The following ASNS variants were observed in gnomAD, a reference collection of about 807,000 sequenced individuals.
ASNS encodes asparagine synthetase [glutamine-hydrolyzing].
In ASNS, 37 loss-of-function variants were observed where a neutral mutation model predicts 62.6. That is an observed-to-expected ratio of 0.59 (90% CI 0.45 to 0.78). The LOEUF is 0.78. Ranked by LOEUF, ASNS falls within the 30% of genes least tolerant of loss-of-function variation. The probability of loss-of-function intolerance (pLI) is 0.00; values close to 1 mark genes in which losing one functional copy is unlikely to be tolerated. For synonymous variants in ASNS, 207 were observed against 237.9 expected, an observed-to-expected ratio of 0.87 and a Z score of 1.19; for missense variants, 520 against 682.4, an observed-to-expected ratio of 0.76 and a Z score of 2.65.
At chr7:97,898,566 T>C in the ASNS span, 463 of 598,856 alleles carry the variant, frequency 7.7e-4, 2 homozygotes, top group Middle Eastern at 3.0e-3. Context: ...AATCAATTTA[T>C]TGACCACTTC....
the ASNS span, among the ~76,000 whole-genome samples, chr7:97,923,166 C>T: frequency 0.9 from 135,947 of 151,622 alleles, 61,025 homozygotes; most frequent in African/African-American, 0.93. Flanking sequence ...TGTTCTAACA[C>T]GTTTTGGTCA....
the ASNS span, among the ~76,000 whole-genome samples, chr7:97,916,519 G>A: frequency 1.3e-5 from 2 of 152,222 alleles, no homozygotes; most frequent in African/African-American, 2.4e-5. Flanking sequence ...CTCTTTGCAA[G>A]CACCTCAGAG....
At chr7:97,883,378 G>A in the ASNS span, among the ~76,000 whole-genome samples, 119,041 of 151,830 alleles carry the variant, frequency 0.78, 47,116 homozygotes, top group African/African-American at 0.88. Context: ...GGCCCACTTG[G>A]GTATGTTTTT....
chr7:97,908,191 G>A, the ASNS span: 2 of 152,112 alleles, frequency 1.3e-5, no homozygotes, highest in Non-Finnish European at 2.9e-5. Context: ...AAATTGAAAC[G>A]TGATTTTAAA....
chr7:97,865,181 A>C (rs1437997356), intron 3 of ASNS, among the ~76,000 whole-genome samples: 1 of 152,232 alleles, frequency 6.6e-6, no homozygotes, highest in East Asian at 1.9e-4. Flanking sequence ...TGCTTATAAA[A>C]TATGACATAC....
intron 4 of ASNS, among the ~76,000 whole-genome samples, chr7:97,861,242 G>A (rs1369782812): frequency 2.0e-5 from 3 of 152,038 alleles, no homozygotes; most frequent in African/African-American, 7.2e-5. Context: ...TCGATCTCCT[G>A]ACCTCGTGAT....
chr7:97,912,352 T>TTTTG, the ASNS span, among the ~76,000 whole-genome samples: 1 of 152,120 alleles, frequency 6.6e-6, no homozygotes, highest in East Asian at 1.9e-4. Flanking sequence ...TTTTTGAGTT[T>TTTTG]TTTGTTTGTT....
chr7:97,895,993 A>G, the ASNS span, among the ~76,000 whole-genome samples: 10 of 151,228 alleles, frequency 6.6e-5, no homozygotes, highest in Admixed American at 2.0e-4. Flanking sequence ...ATGAGGAAAA[A>G]AAAAAAAACA....
At chr7:97,873,605 A>G (rs1326747717), upstream of ASNS, among the ~76,000 whole-genome samples, 2 of 152,240 alleles carry the variant, frequency 1.3e-5, no homozygotes, top group Non-Finnish European at 2.9e-5. Context: ...GTGGGAAAGT[A>G]GGTCTTCTAT....
At chr7:97,858,154 C>A (rs1791544855) in intron 7 of ASNS, 124 bp downstream of exon 7, 1 of 1,282,222 alleles carries the variant, frequency 7.8e-7, no homozygotes, top group Admixed American at 2.4e-5. Flanking sequence ...TTAATACAAT[C>A]AATTTAAAAC....
the ASNS span, among the ~76,000 whole-genome samples, chr7:97,885,641 T>C: frequency 6.6e-6 from 1 of 152,256 alleles, no homozygotes; most frequent in African/African-American, 2.4e-5. Flanking sequence ...TGATGAAATA[T>C]GATGCAAGCC....
At chr7:97,853,486 G>C (rs771272945) in intron 10 of ASNS, 100 bp from the exon 11 acceptor site, 34 of 995,902 alleles carry the variant, frequency 3.4e-5, no homozygotes, top group Non-Finnish European at 4.7e-5. Flanking sequence ...CAGATCTTAA[G>C]AAATGTTAAG....
chr7:97,918,285 G>A, the ASNS span, among the ~76,000 whole-genome samples: 1 of 152,316 alleles, frequency 6.6e-6, no homozygotes, highest in African/African-American at 2.4e-5. Context: ...TGCACAGGAT[G>A]CAAATTAAGC....
rs1791204538 is a variant in ASNS, at chr7:97,852,113, T to A, written c.*146A>T. 1 of 838,506 alleles carries A rather than the reference T, an allele frequency of 1.2e-6. No homozygotes were observed. The highest frequency in any genetic ancestry group is 2.6e-5 in the Admixed American group (1 of 38,674). The allele number at this position is 838,506 out of a possible 1,614,324, so 51.9% of individuals were successfully genotyped here. Reference sequence around the variant, plus strand: ...TATGAAGAGACTGCATGAACATAAATGACTACAGCAATGGTTTAGATTTAG... The same window carrying A: ...TATGAAGAGACTGCATGAACATAAAAGACTACAGCAATGGTTTAGATTTAG... On this transcript the variant is annotated 3_prime_UTR_variant, in exon 13 of 13. Coordinates refer to ENST00000394308, the MANE Select transcript of ASNS (RefSeq NM_001673.5).
the ASNS span, among the ~76,000 whole-genome samples, chr7:97,919,280 T>G: frequency 6.6e-6 from 1 of 152,258 alleles, no homozygotes; most frequent in Admixed American, 6.5e-5. Flanking sequence ...CAAGCCTGGC[T>G]AACTTTTGTA....
At chr7:97,904,962 A>T in the ASNS span, among the ~76,000 whole-genome samples, 4 of 152,174 alleles carry the variant, frequency 2.6e-5, no homozygotes, top group African/African-American at 9.7e-5. Flanking sequence ...CCCCAAGAAC[A>T]GAGCACAGTC....
chr7:97,901,655 C>T, the ASNS span, among the ~76,000 whole-genome samples: 2 of 152,166 alleles, frequency 1.3e-5, no homozygotes, highest in African/African-American at 4.8e-5. Flanking sequence ...TTCCTCAGTC[C>T]TGCCAGAGTT....
the ASNS span, among the ~76,000 whole-genome samples, chr7:97,881,045 A>G: frequency 6.6e-6 from 1 of 152,096 alleles, no homozygotes; most frequent in African/African-American, 2.4e-5. Context: ...GGTTCAACCC[A>G]TTTTCCTACC....
intron 3 of ASNS, among the ~76,000 whole-genome samples, chr7:97,868,498 C>G (rs1792082119): frequency 6.9e-6 from 1 of 144,680 alleles, no homozygotes; most frequent in African/African-American, 2.6e-5. Context: ...GCACTGTACT[C>G]TCAAATGATT....
Sources: allele counts gnomAD v4.1 joint callset (sites outside exome capture counted in the v4.1 genomes callset), GRCh38; gene constraint gnomAD v4.1.1; transcripts MANE v1.5; gene names NCBI Gene and HGNC (gene_info 2026-07-23, HGNC 2026-07-21).